Variants in PCDH15 observed in about 807,000 individuals in gnomAD.
PCDH15 encodes protocadherin-15.
Under a neutral mutation model 178.5 loss-of-function variants are expected in PCDH15, and 129 were observed. The observed-to-expected ratio is 0.72, with a 90% confidence interval of 0.63 to 0.84. The LOEUF (loss-of-function observed/expected upper bound fraction) is 0.84. PCDH15 is among the 40% of genes least tolerant of loss of function. The pLI, the probability that PCDH15 is intolerant of heterozygous loss-of-function variation, is 0.00. For missense variants in PCDH15, 2,230 were observed against 2,099.9 expected (o/e 1.06, Z -1.21); for synonymous variants, 800 against 732.0 (o/e 1.09, Z -1.50).
chr10:54,546,687 GT>G (rs1327077698), intron 2 of PCDH15, among the ~76,000 whole-genome samples: 2 of 152,088 alleles, frequency 1.3e-5, no homozygotes, highest in Non-Finnish European at 2.9e-5. Context: ...TGTGAAATCT[GT>G]TTTGTTAAAA....
intron 1 of PCDH15, among the ~76,000 whole-genome samples, chr10:55,290,073 T>C (rs1042586101): frequency 6.6e-6 from 1 of 151,844 alleles, no homozygotes; most frequent in Admixed American, 6.6e-5. Context: ...AATTTTTCTT[T>C]ATAAACTACC....
chr10:54,479,542 C>A (rs1287648697), intron 3 of PCDH15, among the ~76,000 whole-genome samples: 2 of 151,842 alleles, frequency 1.3e-5, no homozygotes, highest in African/African-American at 4.8e-5. Context: ...TAACTTTTAT[C>A]TTTACATTAA....
intron 3 of PCDH15, among the ~76,000 whole-genome samples, chr10:54,507,954 CAAT>C (rs1230251678): frequency 1.3e-5 from 2 of 151,836 alleles, no homozygotes; most frequent in Non-Finnish European, 2.9e-5. Flanking sequence ...GTAATGGTGC[CAAT>C]AATAATAGTT....
chr10:54,661,707 A>G (rs1283404408), intron 2 of PCDH15, among the ~76,000 whole-genome samples: 1 of 151,972 alleles, frequency 6.6e-6, no homozygotes, highest in Non-Finnish European at 1.5e-5. Flanking sequence ...ATAAAGATGG[A>G]CACATAGATC....
intron 2 of PCDH15, among the ~76,000 whole-genome samples, chr10:55,068,266 T>C (rs1354686190): frequency 6.6e-6 from 1 of 152,050 alleles, no homozygotes; most frequent in African/African-American, 2.4e-5. Context: ...CTATTATGAG[T>C]TTATTTTTGT....
intron 3 of PCDH15, among the ~76,000 whole-genome samples, chr10:54,511,806 C>T (rs937536938): frequency 2.6e-5 from 4 of 152,022 alleles, no homozygotes; most frequent in African/African-American, 9.7e-5. Flanking sequence ...ATACAAGTCC[C>T]TGGATATGTT....
intron 2 of PCDH15, among the ~76,000 whole-genome samples, chr10:55,352,866 C>A (rs2131969108): frequency 6.6e-6 from 1 of 152,192 alleles, no homozygotes; most frequent in Admixed American, 6.5e-5. Context: ...TGATGGTCTG[C>A]TGCTGGTCTG....
chr10:55,403,019 G>C (rs1838110563), intron 2 of PCDH15, among the ~76,000 whole-genome samples: 1 of 151,816 alleles, frequency 6.6e-6, no homozygotes, highest in Admixed American at 6.6e-5. Context: ...ACTCTAACTG[G>C]GGTAGGAGAT....
chr10:54,861,148 G>GTAA (rs1953835205), intron 3 of PCDH15, among the ~76,000 whole-genome samples: 1 of 151,992 alleles, frequency 6.6e-6, no homozygotes, highest in Admixed American at 6.6e-5. Flanking sequence ...AGTCTCCCTT[G>GTAA]TAATGTCCAT....
intron 23 of PCDH15, among the ~76,000 whole-genome samples, chr10:53,955,676 G>A (rs2087542338): frequency 6.6e-6 from 1 of 152,114 alleles, no homozygotes; most frequent in Non-Finnish European, 1.5e-5. Context: ...TAAATCTTGA[G>A]CTATCATTTT....
intron 2 of PCDH15, among the ~76,000 whole-genome samples, chr10:54,979,920 T>C (rs1319999460): frequency 1.3e-5 from 2 of 152,132 alleles, no homozygotes; most frequent in African/African-American, 2.4e-5. Flanking sequence ...TATATAAAAT[T>C]GTAGAATTGC....
chr10:53,930,836 C>T (rs1299409282), intron 25 of PCDH15, among the ~76,000 whole-genome samples: 2 of 152,138 alleles, frequency 1.3e-5, no homozygotes. Context: ...CTTCAACACC[C>T]GATTAAAGCC....
At chr10:54,101,998 A>G (rs2094821198) in intron 15 of PCDH15, among the ~76,000 whole-genome samples, 1 of 152,116 alleles carries the variant, frequency 6.6e-6, no homozygotes, top group Admixed American at 6.5e-5. Context: ...TAATCATAAT[A>G]GTAATATAAA....
At chr10:55,614,988 C>G (rs1427226337) in intron 2 of PCDH15, among the ~76,000 whole-genome samples, 2 of 151,996 alleles carry the variant, frequency 1.3e-5, no homozygotes, top group African/African-American at 4.8e-5. Context: ...TAATTTGGAG[C>G]CACATTTTAA....
intron 1 of PCDH15, among the ~76,000 whole-genome samples, chr10:54,685,509 T>C (rs191964049): frequency 2.0e-4 from 31 of 152,228 alleles, no homozygotes; most frequent in Admixed American, 5.2e-4. Context: ...GAAATAGAAA[T>C]AGAAATTTTT....
At chr10:54,382,386 G>C (rs370084685) in intron 3 of PCDH15, among the ~76,000 whole-genome samples, 2 of 152,040 alleles carry the variant, frequency 1.3e-5, no homozygotes, top group Non-Finnish European at 2.9e-5. Context: ...CAGAATAAAT[G>C]TTCTTCAATA....
intron 27 of PCDH15, among the ~76,000 whole-genome samples, 193 bp downstream of exon 27, chr10:53,866,449 A>ATG (rs2079457033): frequency 1.2e-5 from 1 of 80,298 alleles, no homozygotes; most frequent in Non-Finnish European, 2.1e-5. Flanking sequence ...TTTTGTAAAT[A>ATG]TATATATATA....
intron 3 of PCDH15, among the ~76,000 whole-genome samples, chr10:54,482,497 T>C (rs2078791698): frequency 6.6e-6 from 1 of 151,766 alleles, no homozygotes; most frequent in Non-Finnish European, 1.5e-5. Context: ...GTGTATTTAT[T>C]TAGATGCTCC....
chr10:54,880,177 C>T (rs559057115), intron 3 of PCDH15, among the ~76,000 whole-genome samples: 101 of 152,154 alleles, frequency 6.6e-4, no homozygotes, highest in Admixed American at 2.8e-3. Context: ...TGAATATTTC[C>T]CTGAACTACG....
Sources: gnomAD v4.1 joint callset for allele counts (sites outside exome capture counted in the v4.1 genomes callset) on GRCh38, gnomAD v4.1.1 for gene constraint, MANE v1.5 for transcripts, NCBI Gene and HGNC (gene_info 2026-07-23, HGNC 2026-07-21) for gene names.